Variants in MCC observed in about 807,000 individuals in gnomAD.
The protein encoded by MCC is colorectal mutant cancer protein.
In MCC, 90 loss-of-function variants were observed where a neutral mutation model predicts 116.2. That is an observed-to-expected ratio of 0.77 (90% CI 0.65 to 0.92). The LOEUF is 0.92. Ranked by LOEUF, MCC falls within the 40% of genes least tolerant of loss-of-function variation. The pLI, the probability that MCC is intolerant of heterozygous loss-of-function variation, is 0.00. For missense variants in MCC, 1,516 were observed against 1,312.2 expected (o/e 1.16, Z -2.40); for synonymous variants, 578 against 510.5 (o/e 1.13, Z -1.78).
intron 1 of MCC, among the ~76,000 whole-genome samples, chr5:113,406,754 G>C (rs912221907): frequency 2.6e-5 from 4 of 152,094 alleles, no homozygotes; most frequent in African/African-American, 4.8e-5. Flanking sequence ...AAAGTTACAC[G>C]CACCTTACAA....
chr5:113,219,579 T>C (rs938944516), intron 3 of MCC, among the ~76,000 whole-genome samples: 10 of 152,328 alleles, frequency 6.6e-5, no homozygotes, highest in South Asian at 2.1e-4. Context: ...TCTATAATCA[T>C]TGCTTTAAAA....
At position 113,087,785 on chromosome 5, in the gene MCC, T is replaced by A. The variant is rs1202937223; in HGVS notation, c.1399-2475A>T. 4.0e-5 allele frequency among the ~76,000 whole-genome samples: 6 copies of A among 148,826 alleles called. No homozygotes were observed. In the East Asian group the frequency reaches 9.7e-4, roughly 24 times the overall value. ...GCCTACTCATCTTTTTTTTTTTTTT[T>A]ATATCTCTATTTAAAAAAAAATACA... On this transcript the variant is annotated intron_variant, in intron 8 of 18. Transcript: ENST00000408903.
chr5:113,142,079 T>A (rs777209457), intron 5 of MCC, among the ~76,000 whole-genome samples: 1 of 152,210 alleles, frequency 6.6e-6, no homozygotes, highest in Non-Finnish European at 1.5e-5. Context: ...GTTTATTGTG[T>A]GGCTCCAGCT....
chr5:113,032,858 C>A (rs1751054194), intron 17 of MCC, among the ~76,000 whole-genome samples: 1 of 152,212 alleles, frequency 6.6e-6, no homozygotes, highest in Non-Finnish European at 1.5e-5. Flanking sequence ...GTCCTCACTG[C>A]TACACTCTCA....
chr5:113,391,283 C>A (rs1472680694), intron 1 of MCC, among the ~76,000 whole-genome samples: 2 of 152,142 alleles, frequency 1.3e-5, no homozygotes, highest in Non-Finnish European at 2.9e-5. Context: ...AGCAGGGGAG[C>A]TGCTGGGTGG....
chr5:113,208,356 T>C (rs1365820437), intron 3 of MCC, among the ~76,000 whole-genome samples: 1 of 152,176 alleles, frequency 6.6e-6, no homozygotes, highest in Non-Finnish European at 1.5e-5. Flanking sequence ...GACTGATTCC[T>C]TTCTACAGAG....
intron 14 of MCC, among the ~76,000 whole-genome samples, chr5:113,062,858 G>T (rs919134540): frequency 6.6e-6 from 1 of 152,204 alleles, no homozygotes; most frequent in Non-Finnish European, 1.5e-5. Flanking sequence ...CCCACCAGGG[G>T]AGAAAGAGAG....
At chr5:113,264,707 A>G (rs765226427) in intron 3 of MCC, among the ~76,000 whole-genome samples, 2 of 152,200 alleles carry the variant, frequency 1.3e-5, no homozygotes, top group Non-Finnish European at 2.9e-5. Flanking sequence ...ATATCTTATG[A>G]TGTAAAAATT....
Position 113,024,411 on chromosome 5 carries a change from T to G in MCC, c.*2891A>C, listed in dbSNP as rs1750383540. On this transcript the variant is annotated 3_prime_UTR_variant, in exon 19 of 19. Transcript: ENST00000408903. ...ACTACGGACAGAAGTCTCTTTTGCT[T>G]GTGATTTGCACAGTTGGTTTTGTTT... is the stretch of plus-strand genomic sequence containing the variant. The G allele has an allele frequency of 6.6e-6, 1 of 152,202 alleles. No homozygotes were observed. The highest frequency in any genetic ancestry group is 1.5e-5 in the Non-Finnish European group (1 of 68,044). 9.4% of individuals were successfully genotyped at this position (152,202 alleles called of 1,614,324 possible).
rs144672477 is a variant in MCC, at chr5:113,036,401, C to T, written c.2756+7129G>A. Among the ~76,000 whole-genome samples, 8 of 152,296 alleles carry T rather than the reference C, an allele frequency of 5.3e-5. No homozygotes were observed. The East Asian group carries it at 1.4e-3, about 26-fold the overall frequency. On this transcript the variant is annotated intron_variant, in intron 17 of 18. Transcript: ENST00000408903. ...GGACTCCCACCTGGGATTCTGTCTG[C>T]AGAGCCTGTGCCCTTACGCATCTCA...
intron 17 of MCC, among the ~76,000 whole-genome samples, chr5:113,041,229 T>C (rs1232559645): frequency 6.6e-6 from 1 of 152,154 alleles, no homozygotes; most frequent in Admixed American, 6.5e-5. Context: ...CACCATCAGC[T>C]TGGAGGCCAT....
chr5:113,479,763 C>T (rs1772326888), intron 1 of MCC, among the ~76,000 whole-genome samples: 3 of 151,900 alleles, frequency 2.0e-5, no homozygotes, highest in African/African-American at 4.8e-5. Flanking sequence ...CTTTATTCTC[C>T]CACTTAGGTT....
intron 14 of MCC, 58 bp from the exon 15 acceptor site, chr5:113,054,017 T>C: frequency 1.6e-6 from 2 of 1,245,286 alleles, no homozygotes; most frequent in Non-Finnish European, 2.3e-6. Flanking sequence ...TCATGGCAAA[T>C]AGATCTTTCC....
intron 8 of MCC, among the ~76,000 whole-genome samples, chr5:113,100,425 A>G (rs6865450): frequency 0.25 from 37,003 of 148,372 alleles, 5,080 homozygotes; most frequent in African/African-American, 0.36. Flanking sequence ...AGCAAGAGCA[A>G]TGGTGAAGGA....
intron 2 of MCC, among the ~76,000 whole-genome samples, chr5:113,342,559 AG>A (rs1429265726): frequency 2.6e-5 from 4 of 152,264 alleles, no homozygotes; most frequent in Non-Finnish European, 5.9e-5. Flanking sequence ...AACTAAAGGA[AG>A]GATATCTAAC....
rs905303122 is a variant in MCC, at chr5:113,336,725, T to C, written c.627+3794A>G. 3.3e-5 allele frequency among the ~76,000 whole-genome samples: 5 copies of C among 152,220 alleles called. No homozygotes were observed. The East Asian group carries it at 9.6e-4, about 29-fold the overall frequency. ...AGGATAATAAATCTCTTATTCTGTATAATGTGTGGCCATTTTGCTACTTCG... is the reference window on the plus strand; with the variant it reads ...AGGATAATAAATCTCTTATTCTGTACAATGTGTGGCCATTTTGCTACTTCG... On this transcript the variant is annotated intron_variant, in intron 3 of 18. Transcript: ENST00000408903.
chr5:113,197,425 A>G (rs1762467970), intron 3 of MCC, among the ~76,000 whole-genome samples: 1 of 152,166 alleles, frequency 6.6e-6, no homozygotes, highest in Admixed American at 6.5e-5. Flanking sequence ...GTTTGTGGTG[A>G]TGGACACACA....
intron 17 of MCC, among the ~76,000 whole-genome samples, chr5:113,031,890 G>T (rs1203501203): frequency 1.3e-5 from 2 of 152,158 alleles, no homozygotes; most frequent in Non-Finnish European, 2.9e-5. Context: ...TAGGGTTGTG[G>T]CGCAGGAGTG....
chr5:113,101,348 A>C (rs1756396157), intron 8 of MCC, among the ~76,000 whole-genome samples: 2 of 150,522 alleles, frequency 1.3e-5, no homozygotes, highest in African/African-American at 4.9e-5. Flanking sequence ...AAGCTAAATA[A>C]AATTTTATAG....
Sources: gnomAD v4.1 joint callset for allele counts (sites outside exome capture counted in the v4.1 genomes callset) on GRCh38, gnomAD v4.1.1 for gene constraint, MANE v1.5 for transcripts, NCBI Gene and HGNC (gene_info 2026-07-23, HGNC 2026-07-21) for gene names.